The following GPC6 variants were observed in gnomAD, a reference collection of about 807,000 sequenced individuals.
GPC6 encodes glypican-6.
GPC6 carries 14 observed loss-of-function variants against 55.2 expected under a neutral mutation model. The ratio of observed to expected loss-of-function variants is 0.25; its 90% CI spans 0.17 to 0.40. GPC6 has a LOEUF of 0.40. Among genes scored for constraint, GPC6 ranks in the 10% least tolerant of loss-of-function variants. The pLI is 1.00. For synonymous variants in GPC6, 278 were observed against 259.6 expected, an observed-to-expected ratio of 1.07 and a Z score of -0.68; for missense variants, 641 against 708.5, an observed-to-expected ratio of 0.90 and a Z score of 1.08.
At chr13:93,878,148 T>C (rs1224418403) in intron 3 of GPC6, among the ~76,000 whole-genome samples, 1 of 151,972 alleles carries the variant, frequency 6.6e-6, no homozygotes, top group Non-Finnish European at 1.5e-5. Context: ...GATGGGGAGA[T>C]AGAAGAAAAG....
intron 4 of GPC6, among the ~76,000 whole-genome samples, chr13:94,275,638 A>G (rs1008153235): frequency 2.0e-5 from 3 of 152,198 alleles, no homozygotes; most frequent in South Asian, 2.1e-4. Context: ...GAATGAAGAG[A>G]AAAGATAAAC....
intron 3 of GPC6, 93 bp downstream of exon 3, chr13:93,830,638 A>T (rs1241210322): frequency 4.8e-6 from 5 of 1,050,716 alleles, no homozygotes; most frequent in East Asian, 2.7e-5. Context: ...AAAAAAAAAA[A>T]CCAAGGTAAA....
intron 2 of GPC6, among the ~76,000 whole-genome samples, chr13:93,777,872 G>T (rs1885519292): frequency 6.6e-6 from 1 of 152,056 alleles, no homozygotes; most frequent in African/African-American, 2.4e-5. Context: ...TTAAATTTCT[G>T]TTGCCATATT....
intron 4 of GPC6, among the ~76,000 whole-genome samples, chr13:94,277,834 C>A (rs1892258904): frequency 6.6e-6 from 1 of 152,144 alleles, no homozygotes; most frequent in South Asian, 2.1e-4. Flanking sequence ...ATTACTGTCA[C>A]CTTGTAGTAT....
At chr13:93,699,450 C>G (rs997387812) in intron 2 of GPC6, among the ~76,000 whole-genome samples, 1 of 152,064 alleles carries the variant, frequency 6.6e-6, no homozygotes, top group Non-Finnish European at 1.5e-5. Context: ...GCTTCTTCAT[C>G]CATGTGACAC....
chr13:93,560,793 C>G (rs1875742685), intron 2 of GPC6, among the ~76,000 whole-genome samples: 1 of 150,830 alleles, frequency 6.6e-6, no homozygotes, highest in South Asian at 2.1e-4. Flanking sequence ...GAATTTTGCT[C>G]AATATCCAGC....
chr13:94,359,973 A>C (rs991492283), intron 6 of GPC6, among the ~76,000 whole-genome samples: 1 of 152,196 alleles, frequency 6.6e-6, no homozygotes, highest in African/African-American at 2.4e-5. Context: ...TTTTCATTTC[A>C]TAAGAGAAAT....
intron 6 of GPC6, among the ~76,000 whole-genome samples, chr13:94,339,751 CTTTTTTTTTTTT>C (rs56074677): frequency 9.4e-5 from 6 of 63,794 alleles, no homozygotes; most frequent in South Asian, 1.3e-3. Flanking sequence ...GCATACTTTC[CTTTTTTTTTTTT>C]TTTTTTTTTT....
chr13:93,304,310 T>C (rs1878783090), intron 1 of GPC6, among the ~76,000 whole-genome samples: 2 of 152,338 alleles, frequency 1.3e-5, no homozygotes, highest in South Asian at 4.1e-4. Context: ...ACCAAGGCTG[T>C]GAGGCATAGT....
At chr13:93,827,729 A>C (rs944373616) in intron 2 of GPC6, among the ~76,000 whole-genome samples, 20 of 152,194 alleles carry the variant, frequency 1.3e-4, no homozygotes, top group African/African-American at 4.6e-4. Flanking sequence ...AGCCGTATTT[A>C]TTGAAATGTG....
At chr13:94,282,760 CTG>C (rs1892421837) in intron 4 of GPC6, among the ~76,000 whole-genome samples, 2 of 152,238 alleles carry the variant, frequency 1.3e-5, no homozygotes, top group South Asian at 2.1e-4. Flanking sequence ...CTCTCCAACA[CTG>C]TGATCTCAGA....
intron 4 of GPC6, among the ~76,000 whole-genome samples, chr13:94,216,126 T>C (rs149282333): frequency 0.014 from 2,083 of 152,352 alleles, 26 homozygotes; most frequent in Non-Finnish European, 0.022. Flanking sequence ...TGTAAGTTCC[T>C]GCACTGCATT....
chr13:93,978,101 T>C (rs1880605658), intron 3 of GPC6, among the ~76,000 whole-genome samples: 1 of 152,126 alleles, frequency 6.6e-6, no homozygotes. Context: ...CAGATGGTGT[T>C]ATGTGAGAAA....
At chr13:93,939,537 C>G (rs1878616846) in intron 3 of GPC6, among the ~76,000 whole-genome samples, 1 of 151,802 alleles carries the variant, frequency 6.6e-6, no homozygotes, top group Non-Finnish European at 1.5e-5. Flanking sequence ...CAAAGAAAGG[C>G]TTAGAGTTAC....
chr13:93,732,475 A>G (rs1883861180), intron 2 of GPC6, among the ~76,000 whole-genome samples: 1 of 152,224 alleles, frequency 6.6e-6, no homozygotes, highest in Non-Finnish European at 1.5e-5. Flanking sequence ...TTGAGATATG[A>G]TTAAAAAGAT....
intron 1 of GPC6, among the ~76,000 whole-genome samples, chr13:93,322,431 C>CTTTT (rs71272281): frequency 3.0e-3 from 286 of 96,746 alleles, no homozygotes; most frequent in East Asian, 5.9e-3. Flanking sequence ...TTTCTTTCTT[C>CTTTT]TTTTTTTTTT....
At position 94,027,704 on chromosome 13, in the gene GPC6, CT is replaced by C. The variant is rs1882954507; in HGVS notation, c.712-20del. 4 of 1,609,676 alleles carry C rather than the reference CT, an allele frequency of 2.5e-6. No individual in the cohort carries two copies. The South Asian group carries it at 3.3e-5, about 13-fold the overall frequency. ...CTTTATCCTTCTTATTTTTGATTTT[CT>C]TTTTCTTTGCAATAAATCTGCAGGT... On this transcript the variant is annotated intron_variant, in intron 3 of 8. Coordinates refer to ENST00000377047, the MANE Select transcript of GPC6 (RefSeq NM_005708.5).
intron 1 of GPC6, among the ~76,000 whole-genome samples, chr13:93,360,247 G>A (rs950140147): frequency 6.6e-6 from 1 of 152,180 alleles, no homozygotes; most frequent in Non-Finnish European, 1.5e-5. Context: ...CAAGTATAAG[G>A]TTGTGAGATG....
intron 1 of GPC6, among the ~76,000 whole-genome samples, chr13:93,248,269 G>A (rs745355428): frequency 3.9e-5 from 6 of 151,938 alleles, no homozygotes; most frequent in African/African-American, 7.3e-5. Context: ...AGAAAAACCT[G>A]TAGCATATTT....
Sources: allele counts gnomAD v4.1 joint callset (sites outside exome capture counted in the v4.1 genomes callset), GRCh38; gene constraint gnomAD v4.1.1; transcripts MANE v1.5; gene names NCBI Gene and HGNC (gene_info 2026-07-23, HGNC 2026-07-21).